SEC22B: variants seen among roughly 807,000 people sequenced by gnomAD.
The protein encoded by SEC22B is vesicle-trafficking protein SEC22b.
A neutral mutation model predicts 31.4 loss-of-function variants in SEC22B; 10 were observed. The ratio of observed to expected loss-of-function variants is 0.32; its 90% CI spans 0.20 to 0.54. SEC22B has a LOEUF of 0.54. Among genes scored for constraint, SEC22B ranks in the 20% least tolerant of loss-of-function variants. SEC22B has a pLI of 0.94. For synonymous variants in SEC22B, 60 were observed against 95.9 expected (o/e 0.63, Z 2.19); for missense variants, 130 against 263.4 (o/e 0.49, Z 3.50).
Position 120,176,473 on chromosome 1 carries a change from T to C in SEC22B, c.-92A>G. ...CGCGACAACAGTTATACCCTATGTCTCAGTTACCGGAGATCCAGCTGCTTG... is the reference window on the plus strand; with the variant it reads ...CGCGACAACAGTTATACCCTATGTCCCAGTTACCGGAGATCCAGCTGCTTG... On this transcript the variant is annotated 5_prime_UTR_variant, in exon 1 of 5. Transcript: ENST00000578049. 22 of 1,153,540 alleles carry C rather than the reference T, an allele frequency of 1.9e-5. 1 individual carries two copies. Among genetic ancestry groups the C allele is most frequent in the Middle Eastern group, 3.9e-4 (2 of 5,150 alleles). 71.5% of individuals were successfully genotyped at this position (1,153,540 alleles called of 1,614,324 possible).
intron 1 of SEC22B, among the ~76,000 whole-genome samples, chr1:120,170,639 A>G (rs1314027379): frequency 6.7e-6 from 1 of 149,982 alleles, no homozygotes; most frequent in Non-Finnish European, 1.5e-5. Flanking sequence ...ATTGACATAT[A>G]TTTGTTATAT....
intron 2 of SEC22B, among the ~76,000 whole-genome samples, chr1:120,163,612 G>A (rs1184226093): frequency 4.9e-5 from 7 of 141,440 alleles, no homozygotes; most frequent in Admixed American, 4.9e-4. Context: ...GTCTCGCTCT[G>A]TCCCCTGGGC....
chr1:120,165,277 T>C lies in SEC22B; in HGVS notation c.186-1907A>G, dbSNP rs1450007511. Among the ~76,000 whole-genome samples, 3 of 152,210 alleles carry C rather than the reference T, an allele frequency of 2.0e-5. No individual in the cohort carries two copies. The East Asian group carries it at 5.8e-4, about 29-fold the overall frequency. ...AATGTAAGGTTAATGACATAATGTTTACTGGGTACAAGACTAATAAGACTC... is the reference window on the plus strand; with the variant it reads ...AATGTAAGGTTAATGACATAATGTTCACTGGGTACAAGACTAATAAGACTC... On this transcript the variant is annotated intron_variant, in intron 2 of 4. Transcript: ENST00000578049.
At chr1:120,176,238 G>A in intron 1 of SEC22B, 69 bp downstream of exon 1, 1 of 1,465,922 alleles carries the variant, frequency 6.8e-7, no homozygotes, top group Non-Finnish European at 9.3e-7. Flanking sequence ...TCCTAGGAAG[G>A]AATCCGATGC....
In SEC22B at chr1:120,155,091, T is replaced by C. The variant is rs1657607956; in HGVS notation, c.*1947A>G. On this transcript the variant is annotated 3_prime_UTR_variant, in exon 5 of 5. Coordinates refer to ENST00000578049, the MANE Select transcript of SEC22B (RefSeq NM_004892.6). The stretch of plus-strand genomic sequence containing the variant: ...TTAAACCACTTTCTTCTCCCTTTGT[T>C]GACAATTACCCCACCCCTTATTTCT... 1 of 151,998 alleles carries C rather than the reference T, an allele frequency of 6.6e-6. No individual in the cohort carries two copies. The highest frequency in any genetic ancestry group is 2.4e-5 in the African/African-American group (1 of 41,410). 9.4% of individuals were successfully genotyped at this position (151,998 alleles called of 1,614,324 possible). A position where few individuals can be genotyped will look rare whatever the true frequency, so the allele number is the denominator to read the frequency against.
Position 120,156,793 on chromosome 1 carries a change from T to G in SEC22B, c.*245A>C. The G allele has an allele frequency of 3.1e-6, 1 of 325,488 alleles. No individual in the cohort carries two copies. The highest frequency in any genetic ancestry group is 2.1e-5 in the African/African-American group (1 of 47,156). The allele number at this position is 325,488 out of a possible 1,614,324, so 20.2% of individuals were successfully genotyped here. The stretch of plus-strand genomic sequence containing the variant: ...AAAAACGAAATTAACAATCTACTAT[T>G]CCCTAATATATATGGCTTGGCACCC... On this transcript the variant is annotated 3_prime_UTR_variant, in exon 5 of 5. Transcript: ENST00000578049.
At chr1:120,173,918 G>GC (rs1657920983) in intron 1 of SEC22B, among the ~76,000 whole-genome samples, 1 of 103,964 alleles carries the variant, frequency 9.6e-6, no homozygotes, top group Non-Finnish European at 1.9e-5. Context: ...GGGTGATTTT[G>GC]CCCCCATGAG....
chr1:120,165,380 T>C (rs1167106656), intron 2 of SEC22B, among the ~76,000 whole-genome samples: 1 of 152,188 alleles, frequency 6.6e-6, no homozygotes, highest in African/African-American at 2.4e-5. Context: ...TTTGTGATGA[T>C]GAGCGCCCAT....
In SEC22B at chr1:120,163,577, T is replaced by A. The variant is rs1333381051; in HGVS notation, c.186-207A>T. On this transcript the variant is annotated intron_variant, in intron 2 of 4. Coordinates refer to ENST00000578049, the MANE Select transcript of SEC22B (RefSeq NM_004892.6). ...CCATTATTAGATGTATATTCTTTTT[T>A]TTTTCTTTTTTTTTTTGAGACGGAG... Among the ~76,000 whole-genome samples the A allele has an allele frequency of 3.0e-5, 4 of 133,184 alleles. 1 individual carries two copies. The highest frequency in any genetic ancestry group is 1.4e-4 in the Admixed American group (2 of 14,602). 87.4% of individuals were successfully genotyped at this position (133,184 alleles called of 152,430 possible). A position where few individuals can be genotyped will look rare whatever the true frequency, so the allele number is the denominator to read the frequency against.
intron 4 of SEC22B, chr1:120,157,694 C>T (rs1337872855): frequency 7.4e-6 from 1 of 135,890 alleles, no homozygotes; most frequent in Non-Finnish European, 1.5e-5. Context: ...TAATGATAAC[C>T]CATGTAAAAC....
rs1462443636 is a variant in SEC22B at position 120,153,928 on chromosome 1, G to C, written c.*3110C>G. On this transcript the variant is annotated 3_prime_UTR_variant, in exon 5 of 5. Transcript: ENST00000578049. ...TTTCTCAAAATGCTCAAGAACCATTGTTAGATATTTAAATAACCAGAGTGT... is the reference window on the plus strand; with the variant it reads ...TTTCTCAAAATGCTCAAGAACCATTCTTAGATATTTAAATAACCAGAGTGT... The C allele has an allele frequency of 6.6e-6, 1 of 151,532 alleles. No homozygotes were observed. The highest frequency in any genetic ancestry group is 2.4e-5 in the African/African-American group (1 of 41,086). The allele number at this position is 151,532 out of a possible 1,614,324, so 9.4% of individuals were successfully genotyped here.
intron 3 of SEC22B, 62 bp from the exon 4 acceptor site, chr1:120,160,592 T>A: frequency 6.8e-7 from 1 of 1,464,938 alleles, no homozygotes; most frequent in Non-Finnish European, 9.1e-7. Flanking sequence ...AGGTAGGAGA[T>A]TAAAAGTTCT....
intron 3 of SEC22B, among the ~76,000 whole-genome samples, chr1:120,162,572 T>C (rs1415468149): frequency 6.6e-5 from 10 of 150,406 alleles, no homozygotes; most frequent in African/African-American, 2.4e-4. Flanking sequence ...CTGTACTTAC[T>C]GTACTTAGGA....
rs1327154886 is a variant in SEC22B, at chr1:120,155,994, A to G, written c.*1044T>C. 1 of 152,092 alleles carries G rather than the reference A, an allele frequency of 6.6e-6. No individual in the cohort carries two copies. Among genetic ancestry groups the G allele is most frequent in the Non-Finnish European group, 1.5e-5 (1 of 68,000 alleles). 9.4% of individuals were successfully genotyped at this position (152,092 alleles called of 1,614,324 possible). ...TAGTTTGAGTAGTTGATCTGCAAAA[A>G]CTTTAACTTTAATTAACTACATAGA... On this transcript the variant is annotated 3_prime_UTR_variant, in exon 5 of 5. Transcript: ENST00000578049.
At chr1:120,175,576 C>CT (rs1657944664) in intron 1 of SEC22B, among the ~76,000 whole-genome samples, 1 of 152,174 alleles carries the variant, frequency 6.6e-6, no homozygotes, top group Admixed American at 6.5e-5. Flanking sequence ...CACAAAACAT[C>CT]TTTCTTTTAA....
chr1:120,165,007 T>C (rs1331985880), intron 2 of SEC22B, among the ~76,000 whole-genome samples: 3 of 152,032 alleles, frequency 2.0e-5, no homozygotes, highest in South Asian at 2.1e-4. Context: ...CTCCAATAAT[T>C]AGTGATGTGC....
At chr1:120,166,396 TACACACACACAC>T (rs1268229455) in intron 2 of SEC22B, among the ~76,000 whole-genome samples, 12 of 143,670 alleles carry the variant, frequency 8.4e-5, no homozygotes, top group South Asian at 2.3e-4. Context: ...AAGTGTTTTT[TACACACACACAC>T]ACACACACAC....
rs1489900454 is a variant in SEC22B at position 120,151,982 on chromosome 1, G to A, written c.*5056C>T. Reference sequence around the variant, plus strand: ...GAAATATAAGAAGCAGCACAGGTTTGGTTTTATCTTTGAGAACAATGGAGT... The same window carrying A: ...GAAATATAAGAAGCAGCACAGGTTTAGTTTTATCTTTGAGAACAATGGAGT... On this transcript the variant is annotated 3_prime_UTR_variant, in exon 5 of 5. Transcript: ENST00000578049. 4 of 152,050 alleles carry A rather than the reference G, an allele frequency of 2.6e-5. No homozygotes were observed. The highest frequency in any genetic ancestry group is 2.0e-4 in the Admixed American group (3 of 15,270). 9.4% of individuals were successfully genotyped at this position (152,050 alleles called of 1,614,324 possible). A position where few individuals can be genotyped will look rare whatever the true frequency, so the allele number is the denominator to read the frequency against.
In SEC22B at chr1:120,175,796, G is replaced by C. The variant is rs1385825013; in HGVS notation, c.75+511C>G. 7.2e-5 allele frequency among the ~76,000 whole-genome samples: 11 copies of C among 152,088 alleles called. 1 individual carries two copies. Among genetic ancestry groups the C allele is most frequent in the Admixed American group, 7.2e-4 (11 of 15,278 alleles). On this transcript the variant is annotated intron_variant, in intron 1 of 4. Transcript: ENST00000578049. ...TGGTACGGCGTATTGGAGAAGGTGGGAACTGGGGATAATCCTGAAAGAATG... is the reference window on the plus strand; with the variant it reads ...TGGTACGGCGTATTGGAGAAGGTGGCAACTGGGGATAATCCTGAAAGAATG...
Sources: allele counts gnomAD v4.1 joint callset (sites outside exome capture counted in the v4.1 genomes callset), GRCh38; gene constraint gnomAD v4.1.1; transcripts MANE v1.5; gene names NCBI Gene and HGNC (gene_info 2026-07-23, HGNC 2026-07-21).